The following MYO5B variants were observed in gnomAD, a reference collection of about 807,000 sequenced individuals.
MYO5B encodes the protein unconventional myosin-Vb.
In MYO5B, 143 loss-of-function variants were observed where a neutral mutation model predicts 229.3. The ratio of observed to expected loss-of-function variants is 0.62; its 90% CI spans 0.54 to 0.72. MYO5B has a LOEUF of 0.72. MYO5B is among the 30% of genes least tolerant of loss of function. The pLI is 0.00. For synonymous variants in MYO5B, 918 were observed against 885.2 expected, an observed-to-expected ratio of 1.04 and a Z score of -0.66; for missense variants, 2,321 against 2,331.0, an observed-to-expected ratio of 1.00 and a Z score of 0.09.
At chr18:49,882,681 A>C (rs1009123110) in intron 22 of MYO5B, among the ~76,000 whole-genome samples, 48 of 150,972 alleles carry the variant, frequency 3.2e-4, no homozygotes, top group African/African-American at 1.1e-3. Context: ...TCATCATTGA[A>C]TGAGATGACG....
chr18:50,028,931 T>A (rs531555412), intron 4 of MYO5B, among the ~76,000 whole-genome samples: 160 of 152,384 alleles, frequency 1.0e-3, no homozygotes, highest in Non-Finnish European at 1.9e-3. Flanking sequence ...ATAATATTTA[T>A]GACCTCTGCA....
intron 23 of MYO5B, chr18:49,879,378 C>T: frequency 2.2e-6 from 1 of 451,172 alleles, no homozygotes; most frequent in East Asian, 4.8e-5. Flanking sequence ...CTCTCTTCTG[C>T]CAACTGTCAC....
chr18:50,156,400 A>T (rs748066868), intron 1 of MYO5B, among the ~76,000 whole-genome samples: 1 of 152,092 alleles, frequency 6.6e-6, no homozygotes, highest in Non-Finnish European at 1.5e-5. Flanking sequence ...AGTTTCCCCC[A>T]TTCTGTTTTT....
chr18:49,876,231 G>C, intron 25 of MYO5B: 1 of 318,658 alleles, frequency 3.1e-6, no homozygotes, highest in Admixed American at 4.8e-5. Context: ...AATCAACATG[G>C]TTACCAATCA....
intron 1 of MYO5B, among the ~76,000 whole-genome samples, chr18:50,095,588 C>T (rs114419151): frequency 0.01 from 1,544 of 152,244 alleles, 21 homozygotes; most frequent in African/African-American, 0.035. Flanking sequence ...TTAGACACAC[C>T]TAAGCCCAGC....
chr18:49,918,289 G>A lies in MYO5B; in HGVS notation c.2091-6116C>T, dbSNP rs117297922. 1.2e-4 allele frequency among the ~76,000 whole-genome samples: 18 copies of A among 152,292 alleles called. 1 individual carries two copies. The East Asian group carries it at 3.3e-3, about 28-fold the overall frequency. ...CAGCACTTTGTGCTTCTTCTCCCTC[G>A]GGCATGTTTCCTCATGAGGGGACTG... On this transcript the variant is annotated intron_variant, in intron 17 of 39. Coordinates refer to ENST00000285039, the MANE Select transcript of MYO5B (RefSeq NM_001080467.3).
chr18:50,082,383 A>C (rs76104509), intron 1 of MYO5B, among the ~76,000 whole-genome samples: 4 of 152,216 alleles, frequency 2.6e-5, no homozygotes, highest in African/African-American at 9.7e-5. Flanking sequence ...GTTTCTAGTG[A>C]AAAAACACAT....
chr18:50,057,258 G>A (rs1224433075), intron 1 of MYO5B, among the ~76,000 whole-genome samples: 1 of 152,210 alleles, frequency 6.6e-6, no homozygotes, highest in Admixed American at 6.5e-5. Flanking sequence ...CTTCAGGTGA[G>A]TGTCTGTCCT....
At chr18:49,843,458 C>T in intron 33 of MYO5B, 66 bp from the exon 34 acceptor site, 1 of 1,550,904 alleles carries the variant, frequency 6.4e-7, no homozygotes, top group Non-Finnish European at 8.9e-7. Flanking sequence ...CTGTCAGAAT[C>T]CTCATCTGAA....
At chr18:49,951,956 C>T (rs990450019) in intron 14 of MYO5B, among the ~76,000 whole-genome samples, 2 of 152,206 alleles carry the variant, frequency 1.3e-5, no homozygotes, top group African/African-American at 4.8e-5. Flanking sequence ...TAGGGAGCTG[C>T]AAGGTCAATC....
intron 1 of MYO5B, among the ~76,000 whole-genome samples, chr18:50,180,583 T>C (rs1287508912): frequency 6.6e-6 from 1 of 152,240 alleles, no homozygotes; most frequent in Non-Finnish European, 1.5e-5. Context: ...TCTTTTTAAA[T>C]GTACAGTTCA....
intron 4 of MYO5B, among the ~76,000 whole-genome samples, chr18:50,014,874 T>G (rs1233887726): frequency 6.6e-6 from 1 of 152,190 alleles, no homozygotes; most frequent in Admixed American, 6.5e-5. Context: ...GTAAGAAAAG[T>G]GCTCCCTTGA....
At chr18:50,135,028 C>G (rs140770906) in intron 1 of MYO5B, among the ~76,000 whole-genome samples, 129 of 152,286 alleles carry the variant, frequency 8.5e-4, no homozygotes, top group Non-Finnish European at 1.4e-3. Flanking sequence ...TAAGTGTGTT[C>G]CTCTAAGATA....
At chr18:50,012,678 C>A (rs145041865) in intron 4 of MYO5B, among the ~76,000 whole-genome samples, 1 of 152,358 alleles carries the variant, frequency 6.6e-6, no homozygotes, top group East Asian at 1.9e-4. Context: ...AAAGAAAGTG[C>A]TTCCCCTTCC....
intron 1 of MYO5B, among the ~76,000 whole-genome samples, chr18:50,097,090 T>G (rs1234157763): frequency 6.6e-6 from 1 of 152,210 alleles, no homozygotes; most frequent in African/African-American, 2.4e-5. Context: ...TTTTCAACAC[T>G]GCTGTTGATA....
In MYO5B at chr18:49,937,392, T is replaced by C. The variant is rs1460506052; in HGVS notation, c.1758A>G (p.Pro586=). 2 of 1,613,938 alleles carry C rather than the reference T, an allele frequency of 1.2e-6. No homozygotes were observed. Among genetic ancestry groups the C allele is most frequent in the Admixed American group, 1.7e-5 (1 of 60,008 alleles). Reference sequence around the variant, plus strand: ...CATCATGAAACAAGTCAGCCACTAGTGGGAACTAGAAACAATCACAGGAAG... The same window carrying C: ...CATCATGAAACAAGTCAGCCACTAGCGGGAACTAGAAACAATCACAGGAAG... The part of the protein sequence containing the change: ...QINILKASKF[P]LVADLFHDDK... Residue 586 remains proline (P), a synonymous_variant, in exon 15 of 40, where the codon CCA becomes CCG. Transcript: ENST00000285039.
intron 1 of MYO5B, among the ~76,000 whole-genome samples, chr18:50,100,453 C>T (rs1323654921): frequency 6.6e-6 from 1 of 152,190 alleles, no homozygotes; most frequent in African/African-American, 2.4e-5. Context: ...AGGAAGACCT[C>T]AACTAGTGCA....
rs1309275551 is a variant in MYO5B, at chr18:49,836,963, G to A, written c.5139-78C>T. On this transcript the variant is annotated intron_variant, in intron 37 of 39. Transcript: ENST00000285039. ...GAGAAGGGGACACCTGTTGTGTTTT[G>A]CAGGCCCGCTGCAGCTAGTGCCATT... The A allele has an allele frequency of 3.3e-5, 46 of 1,411,512 alleles. No individual in the cohort carries two copies. In the East Asian group the frequency reaches 1.1e-3, roughly 34 times the overall value. The allele number at this position is 1,411,512 out of a possible 1,614,324, so 87.4% of individuals were successfully genotyped here.
At chr18:50,152,510 C>T (rs969736076) in intron 1 of MYO5B, among the ~76,000 whole-genome samples, 1 of 152,184 alleles carries the variant, frequency 6.6e-6, no homozygotes, top group Non-Finnish European at 1.5e-5. Flanking sequence ...ACCAAAACCT[C>T]TGAGAATGGG....
Sources: allele counts gnomAD v4.1 joint callset (sites outside exome capture counted in the v4.1 genomes callset), GRCh38; gene constraint gnomAD v4.1.1; transcripts MANE v1.5; gene names NCBI Gene and HGNC (gene_info 2026-07-23, HGNC 2026-07-21).